The following KCTD2 variants were observed in gnomAD, a reference collection of about 807,000 sequenced individuals.
KCTD2 encodes potassium channel tetramerization domain containing 2.
KCTD2 carries 18 observed loss-of-function variants against 27.9 expected under a neutral mutation model. That is an observed-to-expected ratio of 0.64 (90% confidence interval 0.45 to 0.96). KCTD2 has a LOEUF of 0.96. KCTD2 is among the 40% of genes least tolerant of loss of function. The pLI, the probability that KCTD2 is intolerant of heterozygous loss-of-function variation, is 0.00. For missense variants in KCTD2, 280 were observed against 348.0 expected, an observed-to-expected ratio of 0.80 and a Z score of 1.56; for synonymous variants, 175 against 148.4, an observed-to-expected ratio of 1.18 and a Z score of -1.30.
intron 2 of KCTD2, among the ~76,000 whole-genome samples, chr17:75,050,292 T>C (rs2073271153): frequency 6.6e-6 from 1 of 152,154 alleles, no homozygotes; most frequent in African/African-American, 2.4e-5. Flanking sequence ...TTTTCTTTTT[T>C]TTTTCTTCGC....
rs982425308 is a variant in KCTD2, at chr17:75,049,334, C to T, written c.448+6C>T. 13 of 1,532,552 alleles carry T rather than the reference C, an allele frequency of 8.5e-6. No individual in the cohort carries two copies. The highest frequency in any genetic ancestry group is 1.7e-4 in the Middle Eastern group (1 of 5,880). The allele number at this position is 1,532,552 out of a possible 1,614,324, so 94.9% of individuals were successfully genotyped here. A position where few individuals can be genotyped will look rare whatever the true frequency, so the allele number is the denominator to read the frequency against. Reference sequence around the variant, plus strand: ...TAAGGAGTTGGCAGAAGAAGGTAAGCGCACTGTTTGCATTGGGGATTTTCA... The same window carrying T: ...TAAGGAGTTGGCAGAAGAAGGTAAGTGCACTGTTTGCATTGGGGATTTTCA... On this transcript the variant is annotated splice_donor_region_variant and intron_variant, in intron 2 of 5. Coordinates refer to ENST00000322444, the MANE Select transcript of KCTD2 (RefSeq NM_015353.3).
At chr17:75,033,122 ATTTT>A (rs35243785) in intron 1 of KCTD2, 1 of 151,040 alleles carries the variant, frequency 6.6e-6, no homozygotes, top group Admixed American at 6.6e-5. Flanking sequence ...TTATTTAATA[ATTTT>A]TTTTCTTTTT....
intron 3 of KCTD2, 110 bp downstream of exon 3, chr17:75,053,215 C>T (rs1403258772): frequency 1.2e-5 from 10 of 832,874 alleles, no homozygotes; most frequent in Non-Finnish European, 1.8e-5. Context: ...GTGTGTGGAA[C>T]ACCGTTTGCA....
chr17:75,042,652 T>C (rs1327465018), upstream of KCTD2: 1 of 1,596,450 alleles, frequency 6.3e-7, no homozygotes, highest in Non-Finnish European at 8.5e-7. Context: ...CCCAGCCATT[T>C]TGGGATCCTG....
Position 75,062,204 on chromosome 17 carries a change from T to G in KCTD2, c.721T>G (p.Ser241Ala). ...LCVVSRELNN[S>A]TNGIVIEPSE... is the part of the protein sequence containing the mutation. ...TGTTGTCTCCAGAGAACTAAATAAT[T>G]CTACCAATGGCATCGTCATAGAGCC... Residue 241 changes from serine to alanine, a missense_variant, in exon 5 of 6, where the codon TCT becomes GCT. Physicochemically the swap from Ser to Ala is moderately conservative, Grantham distance 99 (BLOSUM62 1). Coordinates refer to ENST00000322444, the MANE Select transcript of KCTD2 (RefSeq NM_015353.3). 6.2e-7 allele frequency: 1 copy of G among 1,613,942 alleles called. No individual in the cohort carries two copies. The highest frequency in any genetic ancestry group is 8.5e-7 in the Non-Finnish European group (1 of 1,179,952).
At chr17:75,052,087 AG>A (rs2073294252) in intron 2 of KCTD2, among the ~76,000 whole-genome samples, 1 of 152,158 alleles carries the variant, frequency 6.6e-6, no homozygotes, top group Non-Finnish European at 1.5e-5. Flanking sequence ...CAACATGACT[AG>A]TTCCAGGAAC....
chr17:75,048,101 C>T (rs900881333), intron 1 of KCTD2, among the ~76,000 whole-genome samples: 1 of 152,188 alleles, frequency 6.6e-6, no homozygotes, highest in African/African-American at 2.4e-5. Flanking sequence ...TTTCTATAGT[C>T]CTGGTCGCAG....
At chr17:75,045,367 A>G (rs1398797921), upstream of KCTD2, among the ~76,000 whole-genome samples, 1 of 152,224 alleles carries the variant, frequency 6.6e-6, no homozygotes, top group African/African-American at 2.4e-5. Flanking sequence ...ATCAGGAGAC[A>G]GGGTTTTCAG....
At chr17:75,049,027 A>T in intron 1 of KCTD2, 193 bp from the exon 2 acceptor site, 1 of 498,312 alleles carries the variant, frequency 2.0e-6, no homozygotes, top group Non-Finnish European at 3.6e-6. Flanking sequence ...TGTACAAGAT[A>T]CATAAAGCTA....
At chr17:75,034,587 T>C (rs1189452524) in intron 2 of KCTD2, among the ~76,000 whole-genome samples, 1 of 152,052 alleles carries the variant, frequency 6.6e-6, no homozygotes, top group Non-Finnish European at 1.5e-5. Context: ...GTCACCGCGC[T>C]CCAAGCCTGA....
At position 75,053,061 on chromosome 17, in the gene KCTD2, C is replaced by A. The variant is rs1360924059; in HGVS notation, c.496C>A (p.Leu166Met). 2 of 1,613,948 alleles carry A rather than the reference C, an allele frequency of 1.2e-6. No individual in the cohort carries two copies. The highest frequency in any genetic ancestry group is 8.5e-7 in the Non-Finnish European group (1 of 1,179,990). ...TTACAACATCGCGTCCCTTGTGCGG[C>A]TGGTTAAGGAAAGGATACGGGACAA... ...EFYNIASLVRLVKERIRDNEN... is the reference protein window; with the variant it reads ...EFYNIASLVRMVKERIRDNEN... Residue 166 changes from leucine (L) to methionine (M), a missense_variant, in exon 3 of 6, where the codon CTG (leucine) becomes ATG (methionine). Physicochemically the swap from Leu to Met is conservative, Grantham distance 15. Coordinates refer to ENST00000322444, the MANE Select transcript of KCTD2 (RefSeq NM_015353.3).
At chr17:75,039,125 G>A (rs1203457414) in intron 3 of KCTD2, 3 of 1,611,926 alleles carry the variant, frequency 1.9e-6, no homozygotes, top group Non-Finnish European at 1.7e-6. Flanking sequence ...AATATCCAAG[G>A]CAGGTTCCTG....
intron 1 of KCTD2, 185 bp from the exon 2 acceptor site, chr17:75,049,035 C>G (rs2073258889): frequency 3.9e-6 from 2 of 515,098 alleles, no homozygotes; most frequent in East Asian, 5.9e-5. Flanking sequence ...ATACATAAAG[C>G]TATAGCTTTC....
intron 3 of KCTD2, among the ~76,000 whole-genome samples, chr17:75,036,802 G>T (rs2073106111): frequency 1.3e-5 from 2 of 152,216 alleles, no homozygotes; most frequent in Non-Finnish European, 2.9e-5. Flanking sequence ...CAGGGGAAGG[G>T]TGTGGTACTT....
rs750143990 is a variant in KCTD2, at chr17:75,047,412, G to T, written c.162G>T (p.Pro54=). The T allele has an allele frequency of 2.1e-5, 25 of 1,216,070 alleles. No individual in the cohort carries two copies. The highest frequency in any genetic ancestry group is 2.4e-5 in the Non-Finnish European group (23 of 975,786). The allele number at this position is 1,216,070 out of a possible 1,614,324, so 75.3% of individuals were successfully genotyped here. Residue 54 remains proline, a synonymous_variant, in exon 1 of 6, where the codon CCG becomes CCT. Coordinates refer to ENST00000322444, the MANE Select transcript of KCTD2 (RefSeq NM_015353.3). ...HGRPAAAVAQ[P]LEPGPGPPER... is the part of the protein sequence containing the mutation. ...GCCCGGCTGCCGCCGTCGCGCAGCC[G>T]CTGGAGCCGGGTCCCGGACCACCCG...
chr17:75,063,440 C>T lies in KCTD2; in HGVS notation c.*393C>T. The T allele has an allele frequency of 4.1e-6, 1 of 242,838 alleles. No homozygotes were observed. The highest frequency in any genetic ancestry group is 8.2e-6 in the Non-Finnish European group (1 of 121,592). 15.0% of individuals were successfully genotyped at this position (242,838 alleles called of 1,614,324 possible). On this transcript the variant is annotated 3_prime_UTR_variant, in exon 6 of 6. Coordinates refer to ENST00000322444, the MANE Select transcript of KCTD2 (RefSeq NM_015353.3). ...CCAAGAGGATTGTTCCCGTGCCGTG[C>T]CATGGTTTCACCCTATGTGTGCCAC...
At chr17:75,060,006 CA>C (rs2073387540) in intron 4 of KCTD2, among the ~76,000 whole-genome samples, 2 of 152,114 alleles carry the variant, frequency 1.3e-5, no homozygotes, top group African/African-American at 4.8e-5. Flanking sequence ...TTATGTAATC[CA>C]CCGTGAAGAG....
intron 3 of KCTD2, among the ~76,000 whole-genome samples, chr17:75,058,506 AAAT>A (rs2073372107): frequency 2.0e-5 from 3 of 151,110 alleles, no homozygotes; most frequent in African/African-American, 4.9e-5. Context: ...TCCATCTCAA[AAAT>A]AATAATAAGG....
chr17:75,062,067 G>C, intron 4 of KCTD2, 53 bp from the exon 5 acceptor site: 2 of 1,608,058 alleles, frequency 1.2e-6, no homozygotes, highest in Non-Finnish European at 1.7e-6. Context: ...TAGCACTTTC[G>C]AAAGTATGTT....
Sources: gnomAD v4.1 joint callset for allele counts (sites outside exome capture counted in the v4.1 genomes callset) on GRCh38, gnomAD v4.1.1 for gene constraint, MANE v1.5 for transcripts, NCBI Gene and HGNC (gene_info 2026-07-23, HGNC 2026-07-21) for gene names.